Variants in CSMD1 observed in about 807,000 individuals in gnomAD.
CSMD1 encodes the protein CUB and Sushi multiple domains 1, also known as CUB and sushi domain-containing protein 1.
A neutral mutation model predicts 417.5 loss-of-function variants in CSMD1; 213 were observed. The observed-to-expected ratio is 0.51, with a 90% CI of 0.46 to 0.57. The LOEUF is 0.57. CSMD1 is among the 20% of genes least tolerant of loss of function. CSMD1 has a pLI of 0.00. For missense variants in CSMD1, 6,923 were observed against 4,529.7 expected (o/e 1.53, Z -15.17); for synonymous variants, 2,862 against 1,736.8 (o/e 1.65, Z -16.11).
intron 49 of CSMD1, among the ~76,000 whole-genome samples, chr8:3,068,553 A>T (rs1460396): frequency 6.6e-6 from 1 of 151,990 alleles, no homozygotes; most frequent in African/African-American, 2.4e-5. Context: ...TTATAAAGAC[A>T]TTTAGTTGGC....
intron 3 of CSMD1, among the ~76,000 whole-genome samples, chr8:4,413,749 C>T (rs13278683): frequency 0.023 from 3,542 of 152,028 alleles, 65 homozygotes; most frequent in Middle Eastern, 0.041. Flanking sequence ...GTGTTCAAAA[C>T]CCCTGCAAAT....
intron 3 of CSMD1, among the ~76,000 whole-genome samples, chr8:4,348,369 C>T (rs1244604839): frequency 6.6e-6 from 1 of 152,020 alleles, no homozygotes; most frequent in Non-Finnish European, 1.5e-5. Flanking sequence ...GTGTACTACG[C>T]TACAAGTGTT....
intron 7 of CSMD1, among the ~76,000 whole-genome samples, chr8:3,697,252 T>C (rs559100841): frequency 6.6e-6 from 1 of 152,346 alleles, no homozygotes; most frequent in Admixed American, 6.5e-5. Context: ...TTCATGATTC[T>C]GTAATTCTGT....
chr8:3,098,361 T>C (rs1388709102), intron 46 of CSMD1, among the ~76,000 whole-genome samples: 1 of 152,242 alleles, frequency 6.6e-6, no homozygotes, highest in African/African-American at 2.4e-5. Context: ...TGTGTTTTTA[T>C]TCAAGTAACT....
At chr8:4,678,725 A>T (rs1805847405) in intron 1 of CSMD1, among the ~76,000 whole-genome samples, 1 of 152,192 alleles carries the variant, frequency 6.6e-6, no homozygotes, top group South Asian at 2.1e-4. Flanking sequence ...CTGTTGTTAA[A>T]CACATGTGCT....
chr8:3,910,261 T>C (rs934042204), intron 5 of CSMD1, among the ~76,000 whole-genome samples: 23 of 152,146 alleles, frequency 1.5e-4, no homozygotes, highest in African/African-American at 5.6e-4. Flanking sequence ...TCAGAGGCGT[T>C]TCCCAGCTGC....
intron 3 of CSMD1, among the ~76,000 whole-genome samples, chr8:4,249,021 C>G (rs1236142647): frequency 6.6e-6 from 1 of 152,162 alleles, no homozygotes; most frequent in Non-Finnish European, 1.5e-5. Flanking sequence ...GAACTTACAA[C>G]AGTGCCTGGC....
chr8:4,067,844 C>A lies in CSMD1; in HGVS notation c.416-35745G>T, dbSNP rs1964312. ...CTGTGATCCCAACACTTTGGGAGGC[C>A]GAGGTGGGCGGATCATGAGGTCAAG... On this transcript the variant is annotated intron_variant, in intron 3 of 69. Transcript: ENST00000635120. Among the ~76,000 whole-genome samples, 4 of 152,124 alleles carry A rather than the reference C, an allele frequency of 2.6e-5. No homozygotes were observed. The East Asian group carries it at 7.8e-4, about 30-fold the overall frequency.
rs551935025 is a variant in CSMD1, at chr8:4,184,769, A to T, written c.416-152670T>A. Among the ~76,000 whole-genome samples the T allele has an allele frequency of 7.9e-4, 32 of 40,252 alleles. 1 individual carries two copies. The highest frequency in any genetic ancestry group is 2.1e-3 in the African/African-American group (28 of 13,200). 26.4% of individuals were successfully genotyped at this position (40,252 alleles called of 152,430 possible). Reference sequence around the variant, plus strand: ...CTGGGCTTAATACCTGGGTGATGAAATAATCTGTACCACAACCTGTGACAC... The same window carrying T: ...CTGGGCTTAATACCTGGGTGATGAATTAATCTGTACCACAACCTGTGACAC... On this transcript the variant is annotated intron_variant, in intron 3 of 69. Transcript: ENST00000635120.
chr8:4,686,074 C>G (rs992278497), intron 1 of CSMD1, among the ~76,000 whole-genome samples: 7 of 152,166 alleles, frequency 4.6e-5, no homozygotes, highest in Non-Finnish European at 8.8e-5. Context: ...TTGGATGACT[C>G]TGGTTGTGTC....
At chr8:4,871,611 T>C (rs562517265) in intron 1 of CSMD1, among the ~76,000 whole-genome samples, 2 of 152,244 alleles carry the variant, frequency 1.3e-5, no homozygotes, top group South Asian at 2.1e-4. Context: ...CATGAAACAG[T>C]TGGAAAGCCA....
At chr8:4,291,915 A>T (rs1797388662) in intron 3 of CSMD1, among the ~76,000 whole-genome samples, 1 of 152,214 alleles carries the variant, frequency 6.6e-6, no homozygotes, top group African/African-American at 2.4e-5. Context: ...GCAGGAACAG[A>T]ACCTTCTGCC....
At chr8:3,747,552 T>C (rs1010630013) in intron 6 of CSMD1, among the ~76,000 whole-genome samples, 1 of 152,090 alleles carries the variant, frequency 6.6e-6, no homozygotes, top group African/African-American at 2.4e-5. Flanking sequence ...TCGTTACATG[T>C]AGAGGCAGTT....
intron 33 of CSMD1, among the ~76,000 whole-genome samples, chr8:3,193,527 C>T (rs980003998): frequency 1.3e-5 from 2 of 152,102 alleles, no homozygotes; most frequent in African/African-American, 4.8e-5. Context: ...TCCTCTGGGT[C>T]TGGCCCTTCA....
At chr8:4,792,062 G>A (rs1474521395) in intron 1 of CSMD1, among the ~76,000 whole-genome samples, 1 of 151,958 alleles carries the variant, frequency 6.6e-6, no homozygotes, top group Non-Finnish European at 1.5e-5. Flanking sequence ...AAGATTCACT[G>A]CCTGGTTTTA....
intron 5 of CSMD1, among the ~76,000 whole-genome samples, chr8:3,899,230 A>G (rs141119708): frequency 2.0e-5 from 3 of 152,156 alleles, no homozygotes; most frequent in African/African-American, 4.8e-5. Flanking sequence ...AGAGCACAGG[A>G]AAGTTGGCAC....
chr8:3,382,508 T>TATATATATATAAATTTATATAA (rs1491530776), intron 18 of CSMD1, among the ~76,000 whole-genome samples: 318 of 50,474 alleles, frequency 6.3e-3, no homozygotes, highest in African/African-American at 0.011. Flanking sequence ...TATATAAATT[T>TATATATATATAAATTTATATAA]ATATATATAT....
In CSMD1 at chr8:3,218,713, A is replaced by C. The variant is rs996206162; in HGVS notation, c.4672+542T>G. Among the ~76,000 whole-genome samples, 4 of 151,832 alleles carry C rather than the reference A, an allele frequency of 2.6e-5. No individual in the cohort carries two copies. In the South Asian group the frequency reaches 8.3e-4, roughly 32 times the overall value. ...ATGATGAAACCCAGTCTCTACTAAA[A>C]ATACAAAAATTAGCCGTGTATGGTG... On this transcript the variant is annotated intron_variant, in intron 29 of 69. Coordinates refer to ENST00000635120, the MANE Select transcript of CSMD1 (RefSeq NM_033225.6).
At chr8:3,834,506 A>C (rs1221485455) in intron 5 of CSMD1, among the ~76,000 whole-genome samples, 1 of 152,194 alleles carries the variant, frequency 6.6e-6, no homozygotes, top group Non-Finnish European at 1.5e-5. Flanking sequence ...ACTTAAGGGG[A>C]GAAACGGGGT....
Sources: gnomAD v4.1 joint callset for allele counts (sites outside exome capture counted in the v4.1 genomes callset) on GRCh38, gnomAD v4.1.1 for gene constraint, MANE v1.5 for transcripts, NCBI Gene and HGNC (gene_info 2026-07-23, HGNC 2026-07-21) for gene names.